AVL9: variants seen among roughly 807,000 people sequenced by gnomAD.
AVL9 encodes the protein AVL9 cell migration associated.
AVL9 carries 49 observed loss-of-function variants against 79.2 expected under a neutral mutation model. The ratio of observed to expected loss-of-function variants is 0.62; its 90% CI spans 0.49 to 0.79. The LOEUF is 0.79. AVL9 is among the 30% of genes least tolerant of loss of function. AVL9 has a pLI of 0.00. For missense variants in AVL9, 682 were observed against 776.8 expected (o/e 0.88, Z 1.45); for synonymous variants, 299 against 280.6 (o/e 1.07, Z -0.65).
intron 1 of AVL9, among the ~76,000 whole-genome samples, chr7:32,540,044 C>T (rs758846508): frequency 3.3e-5 from 5 of 152,052 alleles, no homozygotes; most frequent in African/African-American, 9.7e-5. Flanking sequence ...AAATAGAGTC[C>T]GGGGATTAGG....
chr7:32,574,084 G>A (rs931108600), intron 12 of AVL9, among the ~76,000 whole-genome samples: 1 of 152,118 alleles, frequency 6.6e-6, no homozygotes, highest in Non-Finnish European at 1.5e-5. Flanking sequence ...TTAAAAATGT[G>A]TTGAGCTTGT....
intron 8 of AVL9, among the ~76,000 whole-genome samples, chr7:32,556,701 T>C (rs1183652327): frequency 6.6e-6 from 1 of 152,170 alleles, no homozygotes. Flanking sequence ...AGGTGTACAA[T>C]TCAGTGCTAT....
At chr7:32,517,018 T>G (rs955464167) in intron 1 of AVL9, among the ~76,000 whole-genome samples, 1 of 152,232 alleles carries the variant, frequency 6.6e-6, no homozygotes, top group Non-Finnish European at 1.5e-5. Flanking sequence ...GTTACTTTTT[T>G]GCTGAGATAG....
intron 1 of AVL9, among the ~76,000 whole-genome samples, chr7:32,528,523 G>GA (rs1230372820): frequency 1.3e-5 from 2 of 152,182 alleles, no homozygotes; most frequent in Non-Finnish European, 2.9e-5. Context: ...GTAGCCCCTT[G>GA]ATGGGGTACA....
intron 11 of AVL9, among the ~76,000 whole-genome samples, chr7:32,572,976 A>G (rs1451969483): frequency 6.6e-6 from 1 of 152,186 alleles, no homozygotes; most frequent in Admixed American, 6.5e-5. Flanking sequence ...GTAATTTAAA[A>G]TACTATATTT....
intron 1 of AVL9, among the ~76,000 whole-genome samples, chr7:32,510,690 G>A (rs564401400): frequency 1.6e-5 from 2 of 128,002 alleles, no homozygotes; most frequent in Non-Finnish European, 3.4e-5. Flanking sequence ...TCTGGTTGTG[G>A]GAGTCTACAG....
chr7:32,567,560 G>A (rs1790639222), intron 10 of AVL9, among the ~76,000 whole-genome samples: 1 of 152,098 alleles, frequency 6.6e-6, no homozygotes, highest in South Asian at 2.1e-4. Flanking sequence ...CCTCTCCAGC[G>A]GCAGCCAACA....
chr7:32,575,840 A>G, intron 12 of AVL9, 115 bp from the exon 13 acceptor site: 2 of 699,374 alleles, frequency 2.9e-6, no homozygotes, highest in South Asian at 3.7e-5. Flanking sequence ...CTATCTCCCC[A>G]CAAATATGGG....
rs375312184 is a variant in AVL9, at chr7:32,505,504, C to G, written c.93+9702C>G. Among the ~76,000 whole-genome samples the G allele has an allele frequency of 8.1e-5, 11 of 134,986 alleles. No individual in the cohort carries two copies. The East Asian group carries it at 1.4e-3, about 17-fold the overall frequency. 88.6% of individuals were successfully genotyped at this position (134,986 alleles called of 152,430 possible). On this transcript the variant is annotated intron_variant, in intron 1 of 15. Transcript: ENST00000318709. ...CGCCACTATACTCCAGCCTAGGCAACAAGAGCAAAACTCCGTCTCAAAAAA... is the reference window on the plus strand; with the variant it reads ...CGCCACTATACTCCAGCCTAGGCAAGAAGAGCAAAACTCCGTCTCAAAAAA...
At chr7:32,506,550 T>C (rs1787422055) in intron 1 of AVL9, among the ~76,000 whole-genome samples, 1 of 152,150 alleles carries the variant, frequency 6.6e-6, no homozygotes, top group Non-Finnish European at 1.5e-5. Flanking sequence ...ACTTATGAAT[T>C]GTTTATTACT....
At chr7:32,518,121 C>T (rs550159136) in intron 1 of AVL9, among the ~76,000 whole-genome samples, 29 of 152,262 alleles carry the variant, frequency 1.9e-4, no homozygotes, top group Admixed American at 4.6e-4. Context: ...TGTGAGCCAC[C>T]GTGCCAGCCG....
chr7:32,534,105 C>T (rs987285909), intron 1 of AVL9: 3 of 152,276 alleles, frequency 2.0e-5, no homozygotes, highest in Non-Finnish European at 4.4e-5. Flanking sequence ...ACATGTCACC[C>T]TTTCTTGCAT....
At chr7:32,562,407 T>C (rs1194474062) in intron 10 of AVL9, among the ~76,000 whole-genome samples, 3 of 152,228 alleles carry the variant, frequency 2.0e-5, no homozygotes, top group African/African-American at 2.4e-5. Flanking sequence ...ACTGTACTTA[T>C]ATTAGTAAAC....
At chr7:32,548,808 A>C (rs747725846) in intron 3 of AVL9, 39 bp from the exon 4 acceptor site, 2 of 1,329,980 alleles carry the variant, frequency 1.5e-6, no homozygotes, top group Non-Finnish European at 2.1e-6. Flanking sequence ...AAATATTGCT[A>C]TGAAATATTT....
At chr7:32,528,991 CAG>C (rs1269031526) in intron 1 of AVL9, among the ~76,000 whole-genome samples, 1 of 152,130 alleles carries the variant, frequency 6.6e-6, no homozygotes, top group Non-Finnish European at 1.5e-5. Context: ...GCCTGGGTGA[CAG>C]AGCGAGACTG....
At chr7:32,536,242 C>T (rs774878151) in intron 1 of AVL9, 1 of 152,212 alleles carries the variant, frequency 6.6e-6, no homozygotes, top group Non-Finnish European at 1.5e-5. Context: ...ATGACAATGT[C>T]TGTGGTTCTC....
At chr7:32,502,796 C>T (rs940038118) in intron 1 of AVL9, among the ~76,000 whole-genome samples, 3 of 152,166 alleles carry the variant, frequency 2.0e-5, no homozygotes, top group Non-Finnish European at 2.9e-5. Flanking sequence ...TGGCATTCTC[C>T]GTTTAACATA....
rs67384597 is a variant in AVL9, at chr7:32,583,710, A to G, written c.1832-82A>G. 60,984 of 828,668 alleles carry G rather than the reference A, an allele frequency of 0.074. 2,688 individuals are homozygous for G. The highest frequency in any genetic ancestry group is 0.085 in the Non-Finnish European group (45,077 of 531,368). 51.3% of individuals were successfully genotyped at this position (828,668 alleles called of 1,614,324 possible). On this transcript the variant is annotated intron_variant, in intron 15 of 15. Coordinates refer to ENST00000318709, the MANE Select transcript of AVL9 (RefSeq NM_015060.3). ...CATTTTTTTAAATTTTTAATTAAAA[A>G]TGTATTAATTATGTTGGTCTTTCAC...
intron 11 of AVL9, among the ~76,000 whole-genome samples, chr7:32,572,178 A>C (rs1790878314): frequency 1.3e-5 from 2 of 150,860 alleles, no homozygotes; most frequent in Admixed American, 1.3e-4. Context: ...AAAAGAAAAA[A>C]AAAAAATTCA....
Sources: allele counts gnomAD v4.1 joint callset (sites outside exome capture counted in the v4.1 genomes callset), GRCh38; gene constraint gnomAD v4.1.1; transcripts MANE v1.5; gene names NCBI Gene and HGNC (gene_info 2026-07-23, HGNC 2026-07-21).